EPCAM: variants seen among roughly 807,000 people sequenced by gnomAD.
The protein encoded by EPCAM is adenocarcinoma-associated antigen.
In EPCAM, 39 loss-of-function variants were observed where a neutral mutation model predicts 40.0. The observed-to-expected ratio is 0.98, with a 90% confidence interval of 0.76 to 1.27. The LOEUF is 1.27. EPCAM is among the 50% of genes most tolerant of loss of function. EPCAM has a pLI of 0.00. For synonymous variants in EPCAM, 168 were observed against 132.3 expected (o/e 1.27, Z -1.85); for missense variants, 503 against 381.2 (o/e 1.32, Z -2.66).
At chr2:47,372,385 C>T (rs1313422383) in intron 1 of EPCAM, among the ~76,000 whole-genome samples, 1 of 151,892 alleles carries the variant, frequency 6.6e-6, no homozygotes, top group East Asian at 1.9e-4. Flanking sequence ...CGTCTGTAAT[C>T]CCAGCACTTT....
chr2:47,386,966 G>C lies in EPCAM; in HGVS notation c.*353G>C, dbSNP rs59080121. 1 of 248,246 alleles carries C rather than the reference G, an allele frequency of 4.0e-6. No homozygotes were observed. Among genetic ancestry groups the C allele is most frequent in the East Asian group, 5.9e-5 (1 of 16,940 alleles). 15.4% of individuals were successfully genotyped at this position (248,246 alleles called of 1,614,324 possible). A position where few individuals can be genotyped will look rare whatever the true frequency, so the allele number is the denominator to read the frequency against. On this transcript the variant is annotated 3_prime_UTR_variant, in exon 9 of 9. Coordinates refer to ENST00000263735, the MANE Select transcript of EPCAM (RefSeq NM_002354.3). ...GAAAGCTGCCTTTCTATTTACTTGA[G>C]TCTTGTACATACATACTTTTTTATG...
chr2:47,369,397 G>A lies in EPCAM; in HGVS notation c.-109G>A, dbSNP rs1239331025. ...CTGTCCTCCCGACGCGGACCCGCGT[G>A]CCCCAGGCCTCGCGCTGCCCGGCCG... On this transcript the variant is annotated 5_prime_UTR_variant, in exon 1 of 9. Transcript: ENST00000263735. 1 of 1,207,436 alleles carries A rather than the reference G, an allele frequency of 8.3e-7. No homozygotes were observed. The highest frequency in any genetic ancestry group is 1.1e-6 in the Non-Finnish European group (1 of 927,790). The allele number at this position is 1,207,436 out of a possible 1,614,324, so 74.8% of individuals were successfully genotyped here. A position where few individuals can be genotyped will look rare whatever the true frequency, so the allele number is the denominator to read the frequency against.
intron 7 of EPCAM, among the ~76,000 whole-genome samples, chr2:47,381,491 T>C (rs1671587753): frequency 6.6e-6 from 1 of 151,586 alleles, no homozygotes; most frequent in South Asian, 2.1e-4. Flanking sequence ...CAATCAACCA[T>C]GTTTGGCTAT....
At chr2:47,373,695 G>A (rs2103746490) in intron 2 of EPCAM, 113 bp from the exon 3 acceptor site, 2 of 1,494,282 alleles carry the variant, frequency 1.3e-6, no homozygotes, top group Non-Finnish European at 1.8e-6. Context: ...GTAAGTGTGG[G>A]AACACATAAA....
chr2:47,379,096 C>A (rs367741596), intron 6 of EPCAM, 42 bp downstream of exon 6: 9 of 1,002,602 alleles, frequency 9.0e-6, no homozygotes, highest in Middle Eastern at 2.1e-4. Flanking sequence ...GGAATGTAGT[C>A]TATCATGCCT....
chr2:47,378,681 C>T (rs1373042423), intron 5 of EPCAM, among the ~76,000 whole-genome samples: 2 of 151,934 alleles, frequency 1.3e-5, no homozygotes, highest in East Asian at 3.8e-4. Context: ...ATTTAAAAAT[C>T]TTTTCAATAT....
Position 47,369,318 on chromosome 2 carries a change from G to A in EPCAM, c.-188G>A. ...CTCCGCCCCGCCGCGCGCACAGAGC[G>A]CTAGTCCTTCGGCGAGCGAGCACCT... On this transcript the variant is annotated 5_prime_UTR_variant, in exon 1 of 9. Transcript: ENST00000263735. 1 of 1,351,866 alleles carries A rather than the reference G, an allele frequency of 7.4e-7. No homozygotes were observed. The highest frequency in any genetic ancestry group is 9.6e-7 in the Non-Finnish European group (1 of 1,038,798). The allele number at this position is 1,351,866 out of a possible 1,614,324, so 83.7% of individuals were successfully genotyped here.
chr2:47,372,733 C>T (rs899939436), intron 1 of EPCAM, among the ~76,000 whole-genome samples: 13 of 151,808 alleles, frequency 8.6e-5, no homozygotes, highest in African/African-American at 3.1e-4. Context: ...GATTGTACCA[C>T]TGCAATCCAG....
In EPCAM at chr2:47,381,154, T is replaced by G. The variant is rs546507568; in HGVS notation, c.858+1185T>G. 3.2e-4 allele frequency among the ~76,000 whole-genome samples: 47 copies of G among 146,108 alleles called. No individual in the cohort carries two copies. The South Asian group carries it at 0.01, about 31-fold the overall frequency. ...GCTCATGCCTGTAATCCCAGCACTT[T>G]GGGAGGCTGAGGCGGGTGGATCACC... On this transcript the variant is annotated intron_variant, in intron 7 of 8. Coordinates refer to ENST00000263735, the MANE Select transcript of EPCAM (RefSeq NM_002354.3).
At chr2:47,378,741 A>G (rs1573399067) in intron 5 of EPCAM, among the ~76,000 whole-genome samples, 2 of 152,304 alleles carry the variant, frequency 1.3e-5, no homozygotes, top group East Asian at 1.9e-4. Context: ...GTTTGGTTGC[A>G]TGGCTGTCTT....
rs371217745 is a variant in EPCAM at position 47,373,983 on chromosome 2, C to T, written c.360C>T (p.Asn120=). 3.0e-5 allele frequency: 49 copies of T among 1,614,014 alleles called. No homozygotes were observed. The highest frequency in any genetic ancestry group is 8.3e-5 in the Admixed American group (5 of 59,962). ...CNGTSMCWCV[N]TAGVRRTDKD... is the part of the protein sequence containing the mutation. ...GCACCTCCATGTGCTGGTGTGTGAA[C>T]ACTGCTGGGGTCAGAAGAACAGACA... Residue 120 remains asparagine, a synonymous_variant, in exon 3 of 9, where the codon AAC becomes AAT. Transcript: ENST00000263735.
chr2:47,377,615 T>G (rs1246390506), intron 5 of EPCAM: 1 of 280,930 alleles, frequency 3.6e-6, no homozygotes, highest in African/African-American at 2.3e-5. Context: ...ACGTAGTATC[T>G]CTTAGTATCC....
chr2:47,385,228 C>G lies in EPCAM; in HGVS notation c.903+18C>G, dbSNP rs187782925. 30 of 1,604,648 alleles carry G rather than the reference C, an allele frequency of 1.9e-5. No individual in the cohort carries two copies. The East Asian group carries it at 6.3e-4, about 33-fold the overall frequency. On this transcript the variant is annotated intron_variant, in intron 8 of 8. Transcript: ENST00000263735. Reference sequence around the variant, plus strand: ...AGGCTGAGGTAAATGGATTACTTACCTAAATAGAAAGGCCCTGTTGAATCT... The same window carrying G: ...AGGCTGAGGTAAATGGATTACTTACGTAAATAGAAAGGCCCTGTTGAATCT...
intron 5 of EPCAM, among the ~76,000 whole-genome samples, chr2:47,378,508 G>T (rs1308776305): frequency 1.3e-5 from 2 of 151,828 alleles, no homozygotes; most frequent in African/African-American, 4.8e-5. Context: ...CTCCATGTTG[G>T]TCAGGCTGGT....
chr2:47,376,725 TC>T lies in EPCAM; in HGVS notation c.492-287del, dbSNP rs201153220. Among the ~76,000 whole-genome samples the T allele has an allele frequency of 9.5e-3, 1,450 of 152,318 alleles. 14 individuals are homozygous for T. Among genetic ancestry groups the T allele is most frequent in the Non-Finnish European group, 0.017 (1,164 of 68,022 alleles). On this transcript the variant is annotated intron_variant, in intron 4 of 8. Transcript: ENST00000263735. ...GTTAAAGTGGTATCCACCAGGTTTT[TC>T]CACTGTGAAGTTACCATTCTCCCTT...
chr2:47,377,370 G>A (rs931802728), intron 5 of EPCAM, among the ~76,000 whole-genome samples: 2 of 152,042 alleles, frequency 1.3e-5, no homozygotes, highest in African/African-American at 4.8e-5. Flanking sequence ...CCGAGGAGCT[G>A]GGACTACAGG....
At position 47,373,914 on chromosome 2, in the gene EPCAM, T is replaced by A; in HGVS notation, c.291T>A (p.Pro97=). The A allele has an allele frequency of 6.2e-7, 1 of 1,614,148 alleles. No individual in the cohort carries two copies. The highest frequency in any genetic ancestry group is 8.5e-7 in the Non-Finnish European group (1 of 1,180,026). The change falls in exon 3 of 9, where the codon CCT becomes CCA. Residue 97 remains proline (P), a synonymous_variant. Transcript: ENST00000263735. ...AGAACAATGATGGGCTTTATGATCC[T>A]GACTGCGATGAGAGCGGGCTCTTTA... The part of the protein sequence containing the change: ...ALQNNDGLYD[P]DCDESGLFKA...
At chr2:47,374,436 A>G (rs1388373787) in intron 3 of EPCAM, among the ~76,000 whole-genome samples, 2 of 152,028 alleles carry the variant, frequency 1.3e-5, no homozygotes, top group Non-Finnish European at 2.9e-5. Context: ...TAAAAGTGAG[A>G]TATGCTTGTT....
chr2:47,381,209 C>G (rs1671579796), intron 7 of EPCAM, among the ~76,000 whole-genome samples: 1 of 150,008 alleles, frequency 6.7e-6, no homozygotes, highest in African/African-American at 2.5e-5. Context: ...CCAGCCTGAC[C>G]AACGTGGAGA....
Sources: gnomAD v4.1 joint callset for allele counts (sites outside exome capture counted in the v4.1 genomes callset) on GRCh38, gnomAD v4.1.1 for gene constraint, MANE v1.5 for transcripts, NCBI Gene and HGNC (gene_info 2026-07-23, HGNC 2026-07-21) for gene names.